Variants in PRRG1 observed in about 807,000 individuals in gnomAD.
PRRG1 encodes transmembrane gamma-carboxyglutamic acid protein 1.
In PRRG1, 5 loss-of-function variants were observed where a neutral mutation model predicts 11.8. That is an observed-to-expected ratio of 0.42 (90% confidence interval 0.22 to 0.89). The LOEUF (loss-of-function observed/expected upper bound fraction) is 0.89. Among genes scored for constraint, PRRG1 ranks in the 40% least tolerant of loss-of-function variants. The probability of loss-of-function intolerance (pLI) is 0.28; values close to 1 mark genes in which losing one functional copy is unlikely to be tolerated. For synonymous variants in PRRG1, 66 were observed against 60.4 expected, an observed-to-expected ratio of 1.09 and a Z score of -0.43; for missense variants, 155 against 166.1, an observed-to-expected ratio of 0.93 and a Z score of 0.37.
chrX:37,377,470 G>C (rs1601980296), intron 1 of PRRG1, among the ~76,000 whole-genome samples: 1 of 111,779 alleles, frequency 8.9e-6, no homozygotes, highest in African/African-American at 3.2e-5. Flanking sequence ...CTCTAATATT[G>C]GGGTTAAGAT....
At chrX:37,369,430 T>C (rs968705745) in intron 1 of PRRG1, among the ~76,000 whole-genome samples, 1 of 112,175 alleles carries the variant, frequency 8.9e-6, no homozygotes, top group Non-Finnish European at 1.9e-5. Flanking sequence ...TGTTTTAAAA[T>C]TGAGCTTGTT....
At chrX:37,367,647 G>A (rs1930619353) in intron 1 of PRRG1, among the ~76,000 whole-genome samples, 1 of 111,130 alleles carries the variant, frequency 9.0e-6, no homozygotes, top group African/African-American at 3.3e-5. Flanking sequence ...AAATTGCTTT[G>A]TACAAACATC....
At chrX:37,406,335 CAT>C in intron 2 of PRRG1, 76 bp downstream of exon 2, 1 of 1,028,952 alleles carries the variant, frequency 9.7e-7, no homozygotes, top group South Asian at 2.1e-5. Context: ...ATTTCTAACT[CAT>C]AGTATATTTG....
rs868983058 is a variant in PRRG1, at chrX:37,453,150, C to A, written c.186C>A (p.Ser62Arg). The change falls in exon 4 of 4, where the codon AGC (serine) becomes AGA (arginine). Residue 62 changes from serine to arginine, a missense_variant. Coordinates refer to ENST00000378628, the MANE Select transcript of PRRG1 (RefSeq NM_001142395.2). ...ENNEKTKEFW[S>R]TYTKAQQGES... ...TGTATTTTCAGAAGGAGTTTTGGAG[C>A]ACCTACACAAAAGCGCAACAAGGGG... 1 of 1,202,906 alleles carries A rather than the reference C, an allele frequency of 8.3e-7. No individual in the cohort carries two copies. Among genetic ancestry groups the A allele is most frequent in the Non-Finnish European group, 1.1e-6 (1 of 889,202 alleles).
chrX:37,401,941 C>A (rs1361325959), intron 1 of PRRG1, among the ~76,000 whole-genome samples: 4 of 110,292 alleles, frequency 3.6e-5, no homozygotes, highest in African/African-American at 9.9e-5. Flanking sequence ...ATGTGAAGGA[C>A]CTCTTCAAGG....
At chrX:37,367,459 C>T (rs190147891) in intron 1 of PRRG1, among the ~76,000 whole-genome samples, 3 of 112,116 alleles carry the variant, frequency 2.7e-5, no homozygotes, top group Non-Finnish European at 5.6e-5. Flanking sequence ...AAAATGTTAA[C>T]ATAGCAGATC....
chrX:37,372,255 G>C (rs147111831), intron 1 of PRRG1, among the ~76,000 whole-genome samples: 7 of 111,820 alleles, frequency 6.3e-5, no homozygotes, highest in Non-Finnish European at 1.1e-4. Flanking sequence ...CTTGTAGACT[G>C]TTTGTATGTC....
At chrX:37,420,878 GTAAA>G (rs1227555970) in intron 2 of PRRG1, among the ~76,000 whole-genome samples, 2 of 108,866 alleles carry the variant, frequency 1.8e-5, no homozygotes, top group African/African-American at 6.7e-5. Flanking sequence ...GAATAAATAA[GTAAA>G]TAAATAAATA....
chrX:37,362,389 ATT>A (rs1375884231), intron 1 of PRRG1, among the ~76,000 whole-genome samples: 1 of 101,625 alleles, frequency 9.8e-6, no homozygotes. Context: ...TATGGTAGTC[ATT>A]TTTTTTTTTT....
At chrX:37,433,282 A>G (rs1287928368) in intron 3 of PRRG1, among the ~76,000 whole-genome samples, 1 of 111,684 alleles carries the variant, frequency 9.0e-6, no homozygotes, top group Non-Finnish European at 1.9e-5. Flanking sequence ...TTCACTCGAT[A>G]TATAGTTATT....
intron 2 of PRRG1, among the ~76,000 whole-genome samples, chrX:37,423,146 G>T (rs1319103926): frequency 9.2e-6 from 1 of 109,244 alleles, no homozygotes; most frequent in Non-Finnish European, 1.9e-5. Context: ...GTGTGTGCTT[G>T]TATCTTAATT....
intron 1 of PRRG1, among the ~76,000 whole-genome samples, chrX:37,379,055 T>C (rs1183819462): frequency 2.0e-5 from 2 of 97,585 alleles, no homozygotes; most frequent in Admixed American, 1.1e-4. Flanking sequence ...TTTTTTTTTT[T>C]TTTAGCATGG....
intron 1 of PRRG1, among the ~76,000 whole-genome samples, chrX:37,368,681 T>G (rs1349745672): frequency 9.1e-6 from 1 of 110,333 alleles, no homozygotes; most frequent in African/African-American, 3.4e-5. Context: ...CCAATATAGT[T>G]AGGTTTAGAC....
intron 1 of PRRG1, among the ~76,000 whole-genome samples, chrX:37,355,465 A>G (rs1231738858): frequency 8.9e-6 from 1 of 111,973 alleles, no homozygotes; most frequent in Non-Finnish European, 1.9e-5. Flanking sequence ...GAATAGAAGA[A>G]AAAGACTGGA....
chrX:37,420,878 G>GTAAATAAA (rs1227555970), intron 2 of PRRG1, among the ~76,000 whole-genome samples: 3 of 108,866 alleles, frequency 2.8e-5, no homozygotes, highest in African/African-American at 1.0e-4. Context: ...GAATAAATAA[G>GTAAATAAA]TAAATAAATA....
chrX:37,381,019 G>A (rs1931136084), intron 1 of PRRG1, among the ~76,000 whole-genome samples: 1 of 111,498 alleles, frequency 9.0e-6, no homozygotes, highest in Non-Finnish European at 1.9e-5. Flanking sequence ...TCTTTAGAAT[G>A]GAACAATAAT....
In PRRG1 at chrX:37,457,234, G is replaced by A. The variant is rs1921390316; in HGVS notation, c.*3613G>A. 1 of 111,353 alleles carries A rather than the reference G, an allele frequency of 9.0e-6. No individual in the cohort carries two copies. Among genetic ancestry groups the A allele is most frequent in the African/African-American group, 3.3e-5 (1 of 30,595 alleles). The allele number at this position is 111,353 out of a possible 1,213,427, so 9.2% of individuals were successfully genotyped here. On this transcript the variant is annotated 3_prime_UTR_variant, in exon 4 of 4. Transcript: ENST00000378628. ...CTATTTTTATGTTTATACTAGGTAG[G>A]GTCTTTCTTATGTTTCTGTGTTTTT... is the stretch of plus-strand genomic sequence containing the variant.
At chrX:37,392,167 T>C (rs1249923642) in intron 1 of PRRG1, among the ~76,000 whole-genome samples, 1 of 111,947 alleles carries the variant, frequency 8.9e-6, no homozygotes, top group African/African-American at 3.2e-5. Flanking sequence ...GAAAACTATA[T>C]AAAATTCACA....
intron 3 of PRRG1, among the ~76,000 whole-genome samples, chrX:37,449,168 A>AG (rs1921024695): frequency 9.0e-6 from 1 of 111,367 alleles, no homozygotes; most frequent in East Asian, 2.8e-4. Flanking sequence ...TTTTGGAGTT[A>AG]GGATTGGTTT....
Sources: gnomAD v4.1 joint callset for allele counts (sites outside exome capture counted in the v4.1 genomes callset) on GRCh38, gnomAD v4.1.1 for gene constraint, MANE v1.5 for transcripts, NCBI Gene and HGNC (gene_info 2026-07-23, HGNC 2026-07-21) for gene names.